The following CCDC91 variants were observed in gnomAD, a reference collection of about 807,000 sequenced individuals.
CCDC91 encodes coiled-coil domain containing 91, also known as coiled-coil domain-containing protein 91.
A neutral mutation model predicts 63.2 loss-of-function variants in CCDC91; 48 were observed. That is an observed-to-expected ratio of 0.76 (90% confidence interval 0.60 to 0.97). The LOEUF is 0.97. Ranked by LOEUF, CCDC91 falls within the 50% of genes least tolerant of loss-of-function variation. The pLI is 0.00. For missense variants in CCDC91, 500 were observed against 494.6 expected, an observed-to-expected ratio of 1.01 and a Z score of -0.10; for synonymous variants, 167 against 165.8, an observed-to-expected ratio of 1.01 and a Z score of -0.06.
chr12:28,426,491 A>AT (rs1438435935), intron 8 of CCDC91, among the ~76,000 whole-genome samples: 1 of 151,432 alleles, frequency 6.6e-6, no homozygotes, highest in Admixed American at 6.6e-5. Flanking sequence ...TTTTTGTTTG[A>AT]TTTTTTGCCC....
At chr12:28,416,796 A>C (rs983271456) in intron 8 of CCDC91, among the ~76,000 whole-genome samples, 3 of 152,172 alleles carry the variant, frequency 2.0e-5, no homozygotes, top group African/African-American at 7.2e-5. Flanking sequence ...ATTTTGGTCA[A>C]GCAGAGTATC....
At chr12:28,419,133 A>G (rs1297407286) in intron 8 of CCDC91, among the ~76,000 whole-genome samples, 1 of 152,170 alleles carries the variant, frequency 6.6e-6, no homozygotes, top group Non-Finnish European at 1.5e-5. Context: ...ATAACAGTGA[A>G]AAAGTCTGTG....
At chr12:28,452,775 A>G (rs1392621101) in intron 11 of CCDC91, 121 bp downstream of exon 11, 1 of 400,206 alleles carries the variant, frequency 2.5e-6, no homozygotes, top group Non-Finnish European at 4.4e-6. Context: ...TGACTTTTTA[A>G]TTTTTAATTT....
At chr12:28,428,243 A>G (rs1948433916) in intron 8 of CCDC91, among the ~76,000 whole-genome samples, 1 of 152,110 alleles carries the variant, frequency 6.6e-6, no homozygotes, top group Non-Finnish European at 1.5e-5. Context: ...TAGATATTTT[A>G]TATGAGTGTA....
intron 1 of CCDC91, among the ~76,000 whole-genome samples, chr12:28,207,629 A>G (rs1348116962): frequency 1.3e-5 from 2 of 152,220 alleles, no homozygotes; most frequent in African/African-American, 2.4e-5. Flanking sequence ...CAGGTAGGCA[A>G]ATGTACCTGA....
At chr12:28,258,843 C>G (rs1223525416) in intron 2 of CCDC91, among the ~76,000 whole-genome samples, 4 of 152,068 alleles carry the variant, frequency 2.6e-5, no homozygotes, top group Non-Finnish European at 4.4e-5. Flanking sequence ...AATAGGACGG[C>G]TTGTTAATTG....
At chr12:28,523,285 T>C (rs1467536613) in intron 12 of CCDC91, among the ~76,000 whole-genome samples, 3 of 152,196 alleles carry the variant, frequency 2.0e-5, no homozygotes, top group Non-Finnish European at 2.9e-5. Flanking sequence ...ATATTTAGGA[T>C]AGTTAGTTCT....
At chr12:28,510,399 A>G (rs577237921) in intron 12 of CCDC91, among the ~76,000 whole-genome samples, 1 of 152,012 alleles carries the variant, frequency 6.6e-6, no homozygotes, top group South Asian at 2.1e-4. Context: ...CTGATGGTGT[A>G]AATTCCAGAC....
At chr12:28,364,463 A>AT (rs1240567373) in intron 7 of CCDC91, among the ~76,000 whole-genome samples, 2 of 152,190 alleles carry the variant, frequency 1.3e-5, no homozygotes, top group Admixed American at 1.3e-4. Context: ...TGTTTTTAAT[A>AT]TTTTTTCTGT....
intron 1 of CCDC91, among the ~76,000 whole-genome samples, chr12:28,208,286 T>C (rs1254444683): frequency 6.6e-6 from 1 of 151,208 alleles, no homozygotes; most frequent in Non-Finnish European, 1.5e-5. Flanking sequence ...CAAAGAAATT[T>C]GGTTATTTCT....
chr12:28,265,080 G>A (rs1947098833), intron 3 of CCDC91, among the ~76,000 whole-genome samples: 1 of 152,020 alleles, frequency 6.6e-6, no homozygotes, highest in African/African-American at 2.4e-5. Context: ...TTGTCATGTT[G>A]CCATTGTGTA....
At chr12:28,433,878 A>G (rs1270898176) in intron 8 of CCDC91, among the ~76,000 whole-genome samples, 1 of 151,814 alleles carries the variant, frequency 6.6e-6, no homozygotes, top group Admixed American at 6.6e-5. Context: ...CATTCATCAG[A>G]GCTTTGTAGA....
chr12:28,240,402 C>A (rs1945254881), intron 1 of CCDC91, among the ~76,000 whole-genome samples: 1 of 152,058 alleles, frequency 6.6e-6, no homozygotes, highest in South Asian at 2.1e-4. Context: ...CTGTAAAAAA[C>A]TGAGATAAAT....
chr12:28,346,486 T>C (rs896261470), intron 6 of CCDC91, among the ~76,000 whole-genome samples: 1 of 152,238 alleles, frequency 6.6e-6, no homozygotes, highest in African/African-American at 2.4e-5. Flanking sequence ...TTTCTGGGCC[T>C]ATATTTGTCT....
chr12:28,211,412 C>T (rs749075388), intron 1 of CCDC91, among the ~76,000 whole-genome samples: 9 of 152,056 alleles, frequency 5.9e-5, no homozygotes, highest in Non-Finnish European at 1.0e-4. Flanking sequence ...TAGACATTAG[C>T]GAGTCTGCCT....
intron 7 of CCDC91, among the ~76,000 whole-genome samples, chr12:28,385,004 A>G (rs1464680849): frequency 6.6e-5 from 10 of 152,068 alleles, no homozygotes; most frequent in African/African-American, 2.4e-4. Flanking sequence ...TTTTGCTGAA[A>G]AAAGGGCTTG....
At chr12:28,277,531 C>T (rs888393353) in intron 3 of CCDC91, among the ~76,000 whole-genome samples, 3 of 151,996 alleles carry the variant, frequency 2.0e-5, no homozygotes, top group African/African-American at 7.2e-5. Flanking sequence ...AAAGCAAATG[C>T]TTATTAGAGA....
chr12:28,540,742 C>T (rs1841217151), intron 12 of CCDC91, among the ~76,000 whole-genome samples: 1 of 152,100 alleles, frequency 6.6e-6, no homozygotes, highest in Non-Finnish European at 1.5e-5. Context: ...CTCGGCTGGA[C>T]TGAGTGAGAT....
At chr12:28,252,978 A>C (rs1171181248) in intron 1 of CCDC91, among the ~76,000 whole-genome samples, 1 of 152,200 alleles carries the variant, frequency 6.6e-6, no homozygotes, top group Admixed American at 6.5e-5. Flanking sequence ...ACTGAGGCAC[A>C]CAATGTTTTA....
Sources: allele counts gnomAD v4.1 joint callset (sites outside exome capture counted in the v4.1 genomes callset), GRCh38; gene constraint gnomAD v4.1.1; transcripts MANE v1.5; gene names NCBI Gene and HGNC (gene_info 2026-07-23, HGNC 2026-07-21).